The following KIF6 variants were observed in gnomAD, a reference collection of about 807,000 sequenced individuals.
The protein encoded by KIF6 is kinesin family member 6.
KIF6 carries 106 observed loss-of-function variants against 112.7 expected under a neutral mutation model. That is an observed-to-expected ratio of 0.94 (90% CI 0.80 to 1.11). The LOEUF is 1.11. Ranked by LOEUF, KIF6 falls within the 50% of genes least tolerant of loss-of-function variation. KIF6 has a pLI of 0.00. For synonymous variants in KIF6, 339 were observed against 339.9 expected (o/e 1.00, Z 0.03); for missense variants, 929 against 964.0 (o/e 0.96, Z 0.48).
intron 12 of KIF6, among the ~76,000 whole-genome samples, chr6:39,542,592 C>A (rs1418740163): frequency 6.6e-6 from 1 of 152,216 alleles, no homozygotes; most frequent in Non-Finnish European, 1.5e-5. Flanking sequence ...CATCCTCCAA[C>A]CTGACTCTGA....
intron 13 of KIF6, among the ~76,000 whole-genome samples, chr6:39,494,311 C>T (rs1220443846): frequency 6.6e-6 from 1 of 152,172 alleles, no homozygotes; most frequent in African/African-American, 2.4e-5. Flanking sequence ...CAGTTTTAGT[C>T]ACAAGGATGT....
chr6:39,614,890 A>C (rs545472054), intron 5 of KIF6, among the ~76,000 whole-genome samples: 1 of 152,334 alleles, frequency 6.6e-6, no homozygotes, highest in African/African-American at 2.4e-5. Context: ...TGGCTAAATT[A>C]AATCCCTAGA....
intron 5 of KIF6, among the ~76,000 whole-genome samples, chr6:39,632,937 T>C (rs779541872): frequency 3.9e-5 from 6 of 152,036 alleles, no homozygotes; most frequent in Non-Finnish European, 7.4e-5. Flanking sequence ...AAAATTTTTA[T>C]AGTGGGACCT....
chr6:39,498,355 G>C (rs1264435410), intron 13 of KIF6, among the ~76,000 whole-genome samples: 1 of 152,188 alleles, frequency 6.6e-6, no homozygotes. Context: ...TCCCCTAGGT[G>C]ACAGAGAGTT....
intron 13 of KIF6, among the ~76,000 whole-genome samples, chr6:39,500,892 GA>G (rs1776091270): frequency 6.6e-6 from 1 of 152,058 alleles, no homozygotes; most frequent in Non-Finnish European, 1.5e-5. Context: ...CAGGTTCTGA[GA>G]AGGACAGAAA....
At chr6:39,508,924 A>G (rs1776602931) in intron 13 of KIF6, among the ~76,000 whole-genome samples, 1 of 152,180 alleles carries the variant, frequency 6.6e-6, no homozygotes, top group Non-Finnish European at 1.5e-5. Flanking sequence ...TGCCTCCTCA[A>G]GTGGGTCCCT....
intron 10 of KIF6, among the ~76,000 whole-genome samples, chr6:39,563,392 T>C (rs1013331428): frequency 2.0e-5 from 3 of 152,214 alleles, no homozygotes; most frequent in Admixed American, 1.3e-4. Flanking sequence ...TATACATACA[T>C]GTGTATTTTT....
intron 16 of KIF6, among the ~76,000 whole-genome samples, chr6:39,374,916 A>T (rs1766312759): frequency 6.6e-6 from 1 of 152,240 alleles, no homozygotes. Flanking sequence ...AGATATCTGC[A>T]TTTCCATGTT....
At chr6:39,667,160 G>C (rs559847881) in intron 3 of KIF6, among the ~76,000 whole-genome samples, 10 of 152,110 alleles carry the variant, frequency 6.6e-5, no homozygotes, top group Non-Finnish European at 1.0e-4. Context: ...ACAAATGAGA[G>C]AGGATTTATT....
intron 13 of KIF6, among the ~76,000 whole-genome samples, chr6:39,443,162 A>AAT (rs1772056844): frequency 7.5e-6 from 1 of 133,356 alleles, no homozygotes; most frequent in Non-Finnish European, 1.6e-5. Context: ...ATAATAATAA[A>AAT]TAAAAATAAA....
At chr6:39,346,106 C>CCT (rs1562113123) in intron 20 of KIF6, among the ~76,000 whole-genome samples, 32 of 31,564 alleles carry the variant, frequency 1.0e-3, no homozygotes, top group Non-Finnish European at 1.4e-3. Flanking sequence ...TCCCTCCCCC[C>CCT]CTCCCTCTCC....
In KIF6 at chr6:39,331,931, C is replaced by A. The variant is rs748443059; in HGVS notation, c.*4601G>T. Reference sequence around the variant, plus strand: ...TCTATCAACTGTGCCATGCCTGGGGCTGTTTCTATTTGTTTTTTCTTTTTT... The same window carrying A: ...TCTATCAACTGTGCCATGCCTGGGGATGTTTCTATTTGTTTTTTCTTTTTT... On this transcript the variant is annotated 3_prime_UTR_variant, in exon 23 of 23. Transcript: ENST00000287152. The A allele has an allele frequency of 5.4e-5, 8 of 148,660 alleles. No individual in the cohort carries two copies. The highest frequency in any genetic ancestry group is 1.2e-4 in the Non-Finnish European group (8 of 67,724). 9.2% of individuals were successfully genotyped at this position (148,660 alleles called of 1,614,324 possible).
chr6:39,509,347 C>T lies in KIF6; in HGVS notation c.1645+30656G>A, dbSNP rs9471119. Among the ~76,000 whole-genome samples the T allele has an allele frequency of 8.8e-4, 134 of 152,292 alleles. 1 individual carries two copies. Among genetic ancestry groups the T allele is most frequent in the African/African-American group, 3.0e-3 (124 of 41,558 alleles). ...TCCTCCAAAGGAACACAACTCCTCT[C>T]CAGCAAGGGAACAAAACTGGATGGA... On this transcript the variant is annotated intron_variant, in intron 13 of 22. Coordinates refer to ENST00000287152, the MANE Select transcript of KIF6 (RefSeq NM_145027.6).
At chr6:39,549,467 T>C (rs914310638) in intron 10 of KIF6, among the ~76,000 whole-genome samples, 1 of 152,202 alleles carries the variant, frequency 6.6e-6, no homozygotes, top group African/African-American at 2.4e-5. Flanking sequence ...CACAGAGATA[T>C]TACGTATCTT....
intron 17 of KIF6, 46 bp from the exon 18 acceptor site, chr6:39,360,576 C>A: frequency 6.2e-7 from 1 of 1,611,746 alleles, no homozygotes; most frequent in South Asian, 1.1e-5. Flanking sequence ...GTCTTGAAAG[C>A]ACGGCATGGA....
In KIF6 at chr6:39,333,002, C is replaced by T. The variant is rs1562098199; in HGVS notation, c.*3530G>A. ...ATCATAGGGCTCCCCTCACTTGTTTCCCTTCTCTTGCGGATCAATCATACC... is the reference window on the plus strand; with the variant it reads ...ATCATAGGGCTCCCCTCACTTGTTTTCCTTCTCTTGCGGATCAATCATACC... On this transcript the variant is annotated 3_prime_UTR_variant, in exon 23 of 23. Transcript: ENST00000287152. The T allele has an allele frequency of 6.6e-6, 1 of 152,216 alleles. No individual in the cohort carries two copies. The highest frequency in any genetic ancestry group is 1.5e-5 in the Non-Finnish European group (1 of 68,044). 9.4% of individuals were successfully genotyped at this position (152,216 alleles called of 1,614,324 possible).
chr6:39,450,776 G>C (rs951970658), intron 13 of KIF6, among the ~76,000 whole-genome samples: 1 of 152,190 alleles, frequency 6.6e-6, no homozygotes, highest in African/African-American at 2.4e-5. Context: ...CTGCACTCCA[G>C]CCTGGGTGAC....
chr6:39,474,022 A>G (rs1327308166), intron 13 of KIF6, among the ~76,000 whole-genome samples: 1 of 152,200 alleles, frequency 6.6e-6, no homozygotes, highest in African/African-American at 2.4e-5. Context: ...CCCCGAAAAT[A>G]AAATAGATGT....
chr6:39,548,066 G>A (rs1779159251), intron 10 of KIF6, among the ~76,000 whole-genome samples: 1 of 152,182 alleles, frequency 6.6e-6, no homozygotes, highest in South Asian at 2.1e-4. Flanking sequence ...AGCACTTTGT[G>A]ATTTCCAGAG....
Sources: allele counts gnomAD v4.1 joint callset (sites outside exome capture counted in the v4.1 genomes callset), GRCh38; gene constraint gnomAD v4.1.1; transcripts MANE v1.5; gene names NCBI Gene and HGNC (gene_info 2026-07-23, HGNC 2026-07-21).